The following ASTN1 variants were observed in gnomAD, a reference collection of about 807,000 sequenced individuals.
ASTN1 encodes the protein astrotactin-1.
A neutral mutation model predicts 140.7 loss-of-function variants in ASTN1; 41 were observed. The ratio of observed to expected loss-of-function variants is 0.29; its 90% CI spans 0.23 to 0.38. The LOEUF is 0.38. Ranked by LOEUF, ASTN1 falls within the 10% of genes least tolerant of loss-of-function variation. ASTN1 has a pLI of 1.00. For missense variants in ASTN1, 1,479 were observed against 1,678.8 expected (o/e 0.88, Z 2.08); for synonymous variants, 640 against 652.2 (o/e 0.98, Z 0.29).
At chr1:177,152,782 A>C (rs1034621901) in intron 1 of ASTN1, among the ~76,000 whole-genome samples, 29 of 152,284 alleles carry the variant, frequency 1.9e-4, no homozygotes, top group Non-Finnish European at 2.9e-4. Flanking sequence ...GAACTCTAGA[A>C]AAGAATAGCA....
chr1:176,912,787 A>G (rs1670301613), intron 16 of ASTN1, among the ~76,000 whole-genome samples: 1 of 152,226 alleles, frequency 6.6e-6, no homozygotes, highest in Admixed American at 6.5e-5. Flanking sequence ...TAGTTTTAAC[A>G]AAGAATATGA....
intron 1 of ASTN1, among the ~76,000 whole-genome samples, chr1:177,081,278 T>A (rs888441481): frequency 1.3e-5 from 2 of 152,210 alleles, no homozygotes; most frequent in African/African-American, 4.8e-5. Flanking sequence ...CATTCATTCC[T>A]TTAAAAAGTA....
chr1:176,975,882 G>T (rs997101380), intron 8 of ASTN1, among the ~76,000 whole-genome samples: 2 of 152,112 alleles, frequency 1.3e-5, no homozygotes, highest in Non-Finnish European at 2.9e-5. Context: ...ACAATAGGTT[G>T]GGAATTGCTG....
intron 19 of ASTN1, among the ~76,000 whole-genome samples, chr1:176,883,856 CT>C (rs78457410): frequency 0.31 from 47,629 of 152,026 alleles, 8,962 homozygotes; most frequent in East Asian, 0.73. Flanking sequence ...CTCTTACTAG[CT>C]GGACCTGAGA....
intron 16 of ASTN1, among the ~76,000 whole-genome samples, chr1:176,930,226 T>G (rs769475189): frequency 6.6e-5 from 10 of 152,150 alleles, no homozygotes; most frequent in Non-Finnish European, 1.5e-4. Flanking sequence ...GAAGGAATCC[T>G]CACTCCACAC....
rs750665507 is a variant in ASTN1 at position 176,957,835 on chromosome 1, G to A, written c.1737-7C>T. 2 of 1,612,880 alleles carry A rather than the reference G, an allele frequency of 1.2e-6. No individual in the cohort carries two copies. The highest frequency in any genetic ancestry group is 2.2e-5 in the South Asian group (2 of 90,858). The stretch of plus-strand genomic sequence containing the variant: ...TGAAGTCATCAGCTCCTCTCTGTGG[G>A]GAGAAAGAGTGGGAAGCAGGGAGGA... On this transcript the variant is annotated splice_polypyrimidine_tract_variant and splice_region_variant and intron_variant, in intron 10 of 22. Transcript: ENST00000361833.
At chr1:176,977,265 GTT>G (rs1421552150) in intron 8 of ASTN1, among the ~76,000 whole-genome samples, 2 of 152,122 alleles carry the variant, frequency 1.3e-5, no homozygotes, top group Non-Finnish European at 2.9e-5. Context: ...TATTTAGCAA[GTT>G]TCACTATTAA....
intron 1 of ASTN1, among the ~76,000 whole-genome samples, chr1:177,150,691 T>C (rs537170088): frequency 6.6e-6 from 1 of 152,192 alleles, no homozygotes; most frequent in South Asian, 2.1e-4. Flanking sequence ...ACCCTAGTTA[T>C]GGGTAAGTAA....
At chr1:177,086,428 A>G (rs1436462664) in intron 1 of ASTN1, among the ~76,000 whole-genome samples, 1 of 152,232 alleles carries the variant, frequency 6.6e-6, no homozygotes, top group East Asian at 1.9e-4. Context: ...TTAAAGTTTA[A>G]ACATATATTT....
chr1:177,040,362 C>G (rs1676917978), intron 2 of ASTN1, among the ~76,000 whole-genome samples: 1 of 152,176 alleles, frequency 6.6e-6, no homozygotes, highest in African/African-American at 2.4e-5. Flanking sequence ...CTGGCAGGGC[C>G]CAGCCCGCGC....
chr1:177,018,492 A>C (rs1274501249), intron 7 of ASTN1, among the ~76,000 whole-genome samples: 1 of 152,194 alleles, frequency 6.6e-6, no homozygotes, highest in Non-Finnish European at 1.5e-5. Flanking sequence ...ACATTTCCAC[A>C]TGGTTGGGTC....
intron 1 of ASTN1, among the ~76,000 whole-genome samples, chr1:177,158,996 G>A (rs2102263253): frequency 6.7e-6 from 1 of 149,320 alleles, no homozygotes; most frequent in Middle Eastern, 3.4e-3. Context: ...GAATCTGAGA[G>A]GTGGAGGTTG....
chr1:176,937,196 T>G (rs982046596), intron 14 of ASTN1, among the ~76,000 whole-genome samples: 1 of 152,218 alleles, frequency 6.6e-6, no homozygotes, highest in Admixed American at 6.5e-5. Context: ...CTGATAACAT[T>G]GATTTTTCTG....
chr1:177,122,427 C>A (rs550081417), intron 1 of ASTN1, among the ~76,000 whole-genome samples: 38 of 152,290 alleles, frequency 2.5e-4, no homozygotes, highest in African/African-American at 8.7e-4. Flanking sequence ...CTCAAACGTA[C>A]TTGATTGCTG....
At chr1:176,891,857 A>T (rs927531385) in intron 17 of ASTN1, among the ~76,000 whole-genome samples, 2 of 152,222 alleles carry the variant, frequency 1.3e-5, no homozygotes, top group African/African-American at 2.4e-5. Flanking sequence ...CAATAAAAAA[A>T]ACAAAAAGAT....
At chr1:176,865,052 T>C (rs148778753) in intron 22 of ASTN1, among the ~76,000 whole-genome samples, 191 of 152,330 alleles carry the variant, frequency 1.3e-3, no homozygotes, top group African/African-American at 4.4e-3. Context: ...TCAGTTCATG[T>C]TGACACAGGA....
intron 2 of ASTN1, among the ~76,000 whole-genome samples, chr1:177,057,027 A>C (rs1677840282): frequency 6.6e-6 from 1 of 152,228 alleles, no homozygotes; most frequent in Non-Finnish European, 1.5e-5. Context: ...ACTATCTTGC[A>C]AAATTTGAAA....
At chr1:177,141,836 C>T (rs535368547) in intron 1 of ASTN1, among the ~76,000 whole-genome samples, 31 of 152,170 alleles carry the variant, frequency 2.0e-4, no homozygotes, top group Non-Finnish European at 4.1e-4. Flanking sequence ...ATTTTGGAAA[C>T]GTCACCTTGG....
intron 8 of ASTN1, among the ~76,000 whole-genome samples, chr1:176,974,349 C>T (rs1673271131): frequency 6.6e-6 from 1 of 151,772 alleles, no homozygotes. Flanking sequence ...TTATTATACA[C>T]ACATTAATAG....
Sources: gnomAD v4.1 joint callset for allele counts (sites outside exome capture counted in the v4.1 genomes callset) on GRCh38, gnomAD v4.1.1 for gene constraint, MANE v1.5 for transcripts, NCBI Gene and HGNC (gene_info 2026-07-23, HGNC 2026-07-21) for gene names.